UBASH3B: variants seen among roughly 807,000 people sequenced by gnomAD.
The protein encoded by UBASH3B is ubiquitin-associated and SH3 domain-containing protein B.
UBASH3B carries 37 observed loss-of-function variants against 83.4 expected under a neutral mutation model. The observed-to-expected ratio is 0.44, with a 90% confidence interval of 0.34 to 0.58. The LOEUF (loss-of-function observed/expected upper bound fraction) is 0.58. Among genes scored for constraint, UBASH3B ranks in the 20% least tolerant of loss-of-function variants. The probability of loss-of-function intolerance (pLI) is 0.01; values close to 1 mark genes in which losing one functional copy is unlikely to be tolerated. For missense variants in UBASH3B, 657 were observed against 827.2 expected, an observed-to-expected ratio of 0.79 and a Z score of 2.52; for synonymous variants, 304 against 318.3, an observed-to-expected ratio of 0.96 and a Z score of 0.48.
intron 1 of UBASH3B, among the ~76,000 whole-genome samples, chr11:122,735,754 C>G (rs952867198): frequency 1.3e-5 from 2 of 152,120 alleles, no homozygotes; most frequent in African/African-American, 4.8e-5. Flanking sequence ...GAGGGCCCAG[C>G]ATGTGCAAAG....
At chr11:122,744,919 G>A (rs1861092187) in intron 1 of UBASH3B, among the ~76,000 whole-genome samples, 1 of 147,802 alleles carries the variant, frequency 6.8e-6, no homozygotes, top group East Asian at 2.0e-4. Flanking sequence ...GCGCACTTGG[G>A]CACGTGAGTG....
chr11:122,759,934 G>T lies in UBASH3B; in HGVS notation c.162-16285G>T, dbSNP rs377187614. Reference sequence around the variant, plus strand: ...TTTGCCATATAGAGGTAAGTCATAGGTCTCACCTACACTTGAGGGGAGGGA... The same window carrying T: ...TTTGCCATATAGAGGTAAGTCATAGTTCTCACCTACACTTGAGGGGAGGGA... On this transcript the variant is annotated intron_variant, in intron 1 of 13. Transcript: ENST00000284273. The surrounding 1 kb of genome is among the most constrained non-coding windows in gnomAD (Gnocchi z 4.1). Among the ~76,000 whole-genome samples, 1 of 152,140 alleles carries T rather than the reference G, an allele frequency of 6.6e-6. No individual in the cohort carries two copies. Among genetic ancestry groups the T allele is most frequent in the Admixed American group, 6.5e-5 (1 of 15,282 alleles).
intron 1 of UBASH3B, among the ~76,000 whole-genome samples, chr11:122,658,178 G>GAAAAA (rs1254190970): frequency 9.0e-6 from 1 of 111,304 alleles, no homozygotes; most frequent in Non-Finnish European, 1.8e-5. Context: ...TTCATCTCAA[G>GAAAAA]AAAAAAAAAA....
intron 1 of UBASH3B, among the ~76,000 whole-genome samples, chr11:122,715,503 T>C (rs6589946): frequency 0.54 from 81,333 of 151,994 alleles, 22,481 homozygotes; most frequent in East Asian, 0.74. Flanking sequence ...GTTGTAGCTT[T>C]GGCATAGCTA....
chr11:122,688,023 C>T (rs1411344441), intron 1 of UBASH3B, among the ~76,000 whole-genome samples: 1 of 152,152 alleles, frequency 6.6e-6, no homozygotes, highest in East Asian at 1.9e-4. Context: ...GTCTGGGCCA[C>T]TCGGCATGGC....
chr11:122,707,297 C>T (rs1864133163), intron 1 of UBASH3B, among the ~76,000 whole-genome samples: 1 of 152,176 alleles, frequency 6.6e-6, no homozygotes, highest in South Asian at 2.1e-4. Flanking sequence ...CAACCCTACT[C>T]TGCAGGCTTT....
intron 1 of UBASH3B, among the ~76,000 whole-genome samples, chr11:122,679,192 T>A (rs1351503318): frequency 1.3e-5 from 2 of 151,132 alleles, no homozygotes; most frequent in African/African-American, 4.9e-5. Context: ...GGTGAAGGGG[T>A]GGGGCGAGGA....
chr11:122,774,472 C>G (rs757222038), intron 1 of UBASH3B, among the ~76,000 whole-genome samples: 1 of 152,178 alleles, frequency 6.6e-6, no homozygotes, highest in Admixed American at 6.5e-5. Context: ...TTCTTTCCAC[C>G]TGAGTTTTTC....
intron 1 of UBASH3B, among the ~76,000 whole-genome samples, chr11:122,734,291 A>G (rs933382102): frequency 4.6e-5 from 7 of 152,252 alleles, no homozygotes; most frequent in African/African-American, 1.7e-4. Flanking sequence ...GGCCTTATCA[A>G]CAGCTACAGT....
At chr11:122,741,807 C>A (rs1328298658) in intron 1 of UBASH3B, among the ~76,000 whole-genome samples, 1 of 152,152 alleles carries the variant, frequency 6.6e-6, no homozygotes, top group Non-Finnish European at 1.5e-5. Flanking sequence ...CTTTGCTCTT[C>A]CCCCCTCCCT....
chr11:122,700,088 C>T (rs917052284), intron 1 of UBASH3B, among the ~76,000 whole-genome samples: 14 of 152,072 alleles, frequency 9.2e-5, no homozygotes, highest in Middle Eastern at 3.2e-3. Context: ...TGGGTACTAG[C>T]GGAGACCCGA....
intron 1 of UBASH3B, among the ~76,000 whole-genome samples, chr11:122,734,744 TG>T (rs1156555149): frequency 2.6e-5 from 4 of 151,636 alleles, no homozygotes; most frequent in Non-Finnish European, 5.9e-5. Flanking sequence ...TCATCAGATG[TG>T]CTTAATCTTA....
At chr11:122,765,775 GTATGTTTTAAGT>G in intron 1 of UBASH3B, among the ~76,000 whole-genome samples, 1 of 152,298 alleles carries the variant, frequency 6.6e-6, no homozygotes, top group Non-Finnish European at 1.5e-5. Flanking sequence ...GGGAGCTCAC[GTATGTTTTAAGT>G]CCTGGACCTG....
At chr11:122,716,272 A>T (rs574238582) in intron 1 of UBASH3B, among the ~76,000 whole-genome samples, 4 of 152,202 alleles carry the variant, frequency 2.6e-5, no homozygotes, top group African/African-American at 9.6e-5. Flanking sequence ...TCCTGAGCTC[A>T]TGTGGTCCTT....
intron 4 of UBASH3B, among the ~76,000 whole-genome samples, chr11:122,780,402 T>G (rs1309848896): frequency 6.6e-6 from 1 of 152,222 alleles, no homozygotes; most frequent in Non-Finnish European, 1.5e-5. Flanking sequence ...AAAGCTCTCC[T>G]GTCTGACTAC....
rs1478308836 is a variant in UBASH3B, at chr11:122,777,297, C to A, written c.402+87C>A. ...GGACCTGGAGCAAAGGGAGGCCTCG[C>A]AGGAAGACAGCAGGAATAGTCACAG... On this transcript the variant is annotated intron_variant, in intron 3 of 13. Coordinates refer to ENST00000284273, the MANE Select transcript of UBASH3B (RefSeq NM_032873.5). The A allele has an allele frequency of 3.6e-6, 5 of 1,394,098 alleles. No individual in the cohort carries two copies. The African/African-American group carries it at 4.4e-5, about 12-fold the overall frequency. The allele number at this position is 1,394,098 out of a possible 1,614,324, so 86.4% of individuals were successfully genotyped here. A position where few individuals can be genotyped will look rare whatever the true frequency, so the allele number is the denominator to read the frequency against.
At chr11:122,756,424 T>C (rs560319628) in intron 1 of UBASH3B, among the ~76,000 whole-genome samples, 35 of 152,228 alleles carry the variant, frequency 2.3e-4, no homozygotes, top group Admixed American at 1.3e-4. Context: ...ATGTGCCTAG[T>C]ACAGTGCAAG....
At chr11:122,757,709 C>CTTTTT (rs781180822) in intron 1 of UBASH3B, among the ~76,000 whole-genome samples, 3 of 92,114 alleles carry the variant, frequency 3.3e-5, no homozygotes, top group South Asian at 4.1e-4. Context: ...CTTCTTTTCC[C>CTTTTT]TTTTTTTTTT....
At chr11:122,711,905 G>A (rs1864197822) in intron 1 of UBASH3B, among the ~76,000 whole-genome samples, 1 of 151,968 alleles carries the variant, frequency 6.6e-6, no homozygotes, top group Non-Finnish European at 1.5e-5. Context: ...TTTACTTCCA[G>A]CCAAGTTCTC....
Sources: gnomAD v4.1 joint callset for allele counts (sites outside exome capture counted in the v4.1 genomes callset) on GRCh38, gnomAD v4.1.1 for gene constraint, Gnocchi (gnomAD v3.1) non-coding constraint, MANE v1.5 for transcripts, NCBI Gene and HGNC (gene_info 2026-07-23, HGNC 2026-07-21) for gene names.